RTN3: variants seen among roughly 807,000 people sequenced by gnomAD.
RTN3 encodes reticulon 3, also known as reticulon-3.
RTN3 carries 49 observed loss-of-function variants against 77.8 expected under a neutral mutation model. The ratio of observed to expected loss-of-function variants is 0.63; its 90% confidence interval spans 0.50 to 0.80. RTN3 has a LOEUF of 0.80. Among genes scored for constraint, RTN3 ranks in the 30% least tolerant of loss-of-function variants. The pLI is 0.00. For synonymous variants in RTN3, 464 were observed against 446.9 expected (o/e 1.04, Z -0.48); for missense variants, 1,236 against 1,211.9 (o/e 1.02, Z -0.29).
intron 1 of RTN3, among the ~76,000 whole-genome samples, chr11:63,701,801 TG>T (rs889962862): frequency 6.6e-6 from 1 of 151,870 alleles, no homozygotes; most frequent in Non-Finnish European, 1.5e-5. Flanking sequence ...AAAAATTATC[TG>T]GGCGTAGTGG....
intron 3 of RTN3, among the ~76,000 whole-genome samples, chr11:63,725,066 A>G (rs542986103): frequency 2.0e-5 from 3 of 152,072 alleles, no homozygotes; most frequent in Non-Finnish European, 2.9e-5. Context: ...AATTGTTAGC[A>G]TTGGTAGTCA....
chr11:63,712,764 C>G (rs1299729215), intron 2 of RTN3, among the ~76,000 whole-genome samples: 2 of 152,094 alleles, frequency 1.3e-5, no homozygotes, highest in African/African-American at 2.4e-5. Context: ...GGATTACAGG[C>G]GTGAGCCACC....
In RTN3 at chr11:63,719,115, T is replaced by G. The variant is rs1224007967; in HGVS notation, c.613T>G (p.Phe205Val). Residue 205 changes from phenylalanine (F) to valine (V), a missense_variant, in exon 3 of 9, where the codon TTC becomes GTC. This residue lies in a region of RTN3 where 1,056 missense variants were observed against 990.4 expected (regional missense o/e 1.07). Coordinates refer to ENST00000377819, the MANE Select transcript of RTN3 (RefSeq NM_001265589.2). Reference protein sequence around the residue: ...AKTALDADDRFTLLTAQKPPT... With the variant: ...AKTALDADDRVTLLTAQKPPT... ...AACTGCATTGGATGCTGATGACAGA[T>G]TCACTTTGCTGACAGCCCAGAAACC... The G allele has an allele frequency of 1.2e-6, 2 of 1,614,066 alleles. No individual in the cohort carries two copies. The highest frequency in any genetic ancestry group is 4.5e-5 in the East Asian group (2 of 44,898).
chr11:63,756,047 C>T (rs376223367), intron 7 of RTN3, 65 bp from the exon 8 acceptor site: 101 of 1,088,164 alleles, frequency 9.3e-5, no homozygotes, highest in African/African-American at 7.6e-4. Flanking sequence ...ACAAAAGAGC[C>T]GTGCCTTCAG....
At chr11:63,697,953 T>G (rs1283576497) in intron 1 of RTN3, among the ~76,000 whole-genome samples, 1 of 152,162 alleles carries the variant, frequency 6.6e-6, no homozygotes, top group Non-Finnish European at 1.5e-5. Context: ...TGCCTCTCCC[T>G]ATAGCTGCTG....
At chr11:63,684,535 T>G (rs1163218146) in intron 1 of RTN3, among the ~76,000 whole-genome samples, 1 of 151,356 alleles carries the variant, frequency 6.6e-6, no homozygotes, top group East Asian at 2.0e-4. Context: ...TCATGTGATC[T>G]GCCCTCCTCG....
In RTN3 at chr11:63,681,541, A is replaced by G. The variant is rs1941034360; in HGVS notation, c.-96A>G. 3.1e-6 allele frequency: 4 copies of G among 1,294,878 alleles called. No homozygotes were observed. The highest frequency in any genetic ancestry group is 4.2e-6 in the Non-Finnish European group (4 of 951,746). 80.2% of individuals were successfully genotyped at this position (1,294,878 alleles called of 1,614,324 possible). A position where few individuals can be genotyped will look rare whatever the true frequency, so the allele number is the denominator to read the frequency against. ...TCCTCGGAGCAGGCGGAGTAAAGGG[A>G]CTTGAGCGAGCCAGTTGCCGGATTA... is the stretch of plus-strand genomic sequence containing the variant. On this transcript the variant is annotated 5_prime_UTR_variant, in exon 1 of 9. Coordinates refer to ENST00000377819, the MANE Select transcript of RTN3 (RefSeq NM_001265589.2).
intron 3 of RTN3, among the ~76,000 whole-genome samples, chr11:63,721,892 TGTA>T (rs1254197921): frequency 2.6e-5 from 4 of 152,192 alleles, no homozygotes; most frequent in Non-Finnish European, 4.4e-5. Context: ...TAACCAGTAT[TGTA>T]GTACTATTTT....
At chr11:63,703,104 TAAAAAACAACAATAAA>T (rs1942326670) in intron 1 of RTN3, among the ~76,000 whole-genome samples, 1 of 152,018 alleles carries the variant, frequency 6.6e-6, no homozygotes, top group Non-Finnish European at 1.5e-5. Flanking sequence ...AATATTTTTT[TAAAAAACAACAATAAA>T]AAAAAACACA....
intron 3 of RTN3, chr11:63,746,820 G>A (rs540371116): frequency 2.7e-6 from 1 of 373,134 alleles, no homozygotes; most frequent in Admixed American, 2.9e-5. Context: ...GGCTGTTAAG[G>A]AAATTTAACA....
intron 4 of RTN3, 44 bp from the exon 5 acceptor site, chr11:63,752,460 ATCT>A (rs1319330975): frequency 3.2e-6 from 5 of 1,585,408 alleles, no homozygotes; most frequent in South Asian, 1.1e-5. Context: ...TGCTAACAAA[ATCT>A]TCTTCCATGT....
intron 2 of RTN3, among the ~76,000 whole-genome samples, chr11:63,711,666 G>A (rs2011164294): frequency 6.6e-6 from 1 of 152,168 alleles, no homozygotes; most frequent in Non-Finnish European, 1.5e-5. Context: ...CCAGGTTCAA[G>A]TGATTCTCCT....
At chr11:63,700,600 T>A (rs2134702220) in intron 1 of RTN3, among the ~76,000 whole-genome samples, 1 of 148,634 alleles carries the variant, frequency 6.7e-6, no homozygotes, top group South Asian at 2.2e-4. Context: ...CCTGCCCCCA[T>A]CCTTTTTATT....
At chr11:63,756,466 G>A (rs2014387448) in intron 8 of RTN3, among the ~76,000 whole-genome samples, 1 of 152,124 alleles carries the variant, frequency 6.6e-6, no homozygotes, top group Non-Finnish European at 1.5e-5. Flanking sequence ...TTGATCCCAG[G>A]AGTTCAAGAC....
At chr11:63,711,070 G>A (rs190150591) in intron 2 of RTN3, among the ~76,000 whole-genome samples, 9 of 152,138 alleles carry the variant, frequency 5.9e-5, no homozygotes, top group Non-Finnish European at 1.2e-4. Context: ...ACTTGAGGTC[G>A]GGAATTTGAG....
intron 1 of RTN3, among the ~76,000 whole-genome samples, chr11:63,684,746 G>A (rs1941276154): frequency 6.6e-6 from 1 of 152,092 alleles, no homozygotes; most frequent in Non-Finnish European, 1.5e-5. Context: ...AGCTAGAAAG[G>A]CACACTTGAG....
intron 1 of RTN3, among the ~76,000 whole-genome samples, chr11:63,693,219 C>T (rs1941757116): frequency 6.6e-6 from 1 of 152,240 alleles, no homozygotes; most frequent in Non-Finnish European, 1.5e-5. Context: ...TGCAGTGGCT[C>T]ACGCCTGTAA....
At chr11:63,697,929 CT>C (rs1385078352) in intron 1 of RTN3, among the ~76,000 whole-genome samples, 2 of 152,066 alleles carry the variant, frequency 1.3e-5, no homozygotes, top group Non-Finnish European at 2.9e-5. Context: ...TTCTAAAAAA[CT>C]TTCCCTCAAC....
At chr11:63,688,724 A>C (rs1465541535) in intron 1 of RTN3, among the ~76,000 whole-genome samples, 1 of 152,156 alleles carries the variant, frequency 6.6e-6, no homozygotes, top group Non-Finnish European at 1.5e-5. Flanking sequence ...TGGGCTGAAA[A>C]TAAAAACCAA....
Sources: gnomAD v4.1 joint callset for allele counts (sites outside exome capture counted in the v4.1 genomes callset) on GRCh38, gnomAD v4.1.1 for gene constraint, gnomAD v4.1.1 regional missense constraint, MANE v1.5 for transcripts, NCBI Gene and HGNC (gene_info 2026-07-23, HGNC 2026-07-21) for gene names.